PCDHGB6: variants seen among roughly 807,000 people sequenced by gnomAD.
PCDHGB6 encodes protocadherin gamma-B6.
In PCDHGB6, 51 loss-of-function variants were observed where a neutral mutation model predicts 59.1. That is an observed-to-expected ratio of 0.86 (90% confidence interval 0.69 to 1.09). The LOEUF (loss-of-function observed/expected upper bound fraction) is 1.09, where lower values mean the gene tolerates loss of function less well. Ranked by LOEUF, PCDHGB6 falls within the 50% of genes least tolerant of loss-of-function variation. PCDHGB6 has a pLI of 0.00. For missense variants in PCDHGB6, 1,148 were observed against 1,205.1 expected, an observed-to-expected ratio of 0.95 and a Z score of 0.70; for synonymous variants, 466 against 495.1, an observed-to-expected ratio of 0.94 and a Z score of 0.78.
chr5:141,456,098 C>T (rs1222639126), intron 1 of PCDHGB6, among the ~76,000 whole-genome samples: 2 of 151,980 alleles, frequency 1.3e-5, no homozygotes, highest in Non-Finnish European at 2.9e-5. Flanking sequence ...GGGATTTCAC[C>T]GTGTTAGCCA....
intron 1 of PCDHGB6, chr5:141,413,704 A>C (rs749988351): frequency 6.2e-7 from 1 of 1,613,616 alleles, no homozygotes; most frequent in South Asian, 1.1e-5. Flanking sequence ...CTATCAGCTC[A>C]GCCCCAATAA....
At chr5:141,422,287 A>G in intron 1 of PCDHGB6, 3 of 1,553,500 alleles carry the variant, frequency 1.9e-6, no homozygotes, top group South Asian at 1.3e-5. Context: ...CACCTCTTCT[A>G]TTAATTCAAT....
rs778744503 is a variant in PCDHGB6, at chr5:141,511,152, G to C, written c.2772G>C (p.Ser924=). 2 of 1,614,140 alleles carry C rather than the reference G, an allele frequency of 1.2e-6. No individual in the cohort carries two copies. Among genetic ancestry groups the C allele is most frequent in the South Asian group, 2.2e-5 (2 of 91,086 alleles). The change falls in exon 4 of 4, where the codon TCG becomes TCC. Residue 924 remains serine, a synonymous_variant. Coordinates refer to ENST00000520790, the MANE Select transcript of PCDHGB6 (RefSeq NM_018926.3). ...PAGGNGNKKK[S]GKKEKK ...GTGGCAATGGCAACAAGAAGAAGTC[G>C]GGCAAGAAGGAGAAGAAGTAACATG...
chr5:141,473,905 G>T (rs940750776), intron 1 of PCDHGB6, among the ~76,000 whole-genome samples: 2 of 152,096 alleles, frequency 1.3e-5, no homozygotes, highest in African/African-American at 4.8e-5. Context: ...TCATGAAGAG[G>T]TCTTAAGAAA....
Position 141,485,790 on chromosome 5 carries a change from C to T in PCDHGB6, c.2419-9017C>T. On this transcript the variant is annotated intron_variant, in intron 1 of 3. Transcript: ENST00000520790. This position sits in a 1 kb window ranked among gnomAD's most constrained non-coding sequence, Gnocchi z 5.7. The stretch of plus-strand genomic sequence containing the variant: ...AAGCCTTTGGATCGAGAGAAGCAAT[C>T]GGACTACCGCCTGGTGCTGACTGCT... 6.2e-7 allele frequency: 1 copy of T among 1,614,204 alleles called. No homozygotes were observed. Among genetic ancestry groups the T allele is most frequent in the Non-Finnish European group, 8.5e-7 (1 of 1,180,032 alleles).
intron 1 of PCDHGB6, among the ~76,000 whole-genome samples, chr5:141,456,359 G>A (rs2098853225): frequency 6.6e-6 from 1 of 152,158 alleles, no homozygotes; most frequent in Non-Finnish European, 1.5e-5. Context: ...TGGCGTCCAT[G>A]TGTGGTTCAG....
chr5:141,419,123 A>G (rs2096330317), intron 1 of PCDHGB6: 1 of 1,613,766 alleles, frequency 6.2e-7, no homozygotes, highest in African/African-American at 1.3e-5. Context: ...CAACGTCACC[A>G]TCGCAGCCAC....
chr5:141,472,980 CA>C (rs60579131), intron 1 of PCDHGB6, among the ~76,000 whole-genome samples: 39,687 of 85,940 alleles, frequency 0.46, 5,633 homozygotes, highest in African/African-American at 0.56. Flanking sequence ...GAGTGAAACT[CA>C]AAAAAAAAAA....
chr5:141,428,436 A>G (rs922762798), intron 1 of PCDHGB6: 5 of 401,736 alleles, frequency 1.2e-5, no homozygotes, highest in Non-Finnish European at 2.3e-5. Flanking sequence ...CTAAGACTAG[A>G]CCAGGGGTTT....
At position 141,476,503 on chromosome 5, in the gene PCDHGB6, C is replaced by T. The variant is rs1259213742; in HGVS notation, c.2419-18304C>T. 2 of 1,614,138 alleles carry T rather than the reference C, an allele frequency of 1.2e-6. No individual in the cohort carries two copies. ...TGGAAGTGGTGATCCAGGACATCAA[C>T]GACAACAATCCTGCTTTCCCTACCC... On this transcript the variant is annotated intron_variant, in intron 1 of 3. Transcript: ENST00000520790. The surrounding 1 kb of genome is among the most constrained non-coding windows in gnomAD (Gnocchi z 7.6).
In PCDHGB6 at chr5:141,421,687, G is replaced by C. The variant is rs763146085; in HGVS notation, c.2418+11067G>C. On this transcript the variant is annotated intron_variant, in intron 1 of 3. Coordinates refer to ENST00000520790, the MANE Select transcript of PCDHGB6 (RefSeq NM_018926.3). ...GCACGCAATTCCTGGGGCGCGATTT[G>C]CTCTTCCTAATGCTAGGGATCCAGA... 1.3e-5 allele frequency: 21 copies of C among 1,613,788 alleles called. No individual in the cohort carries two copies. Among genetic ancestry groups the C allele is most frequent in the Non-Finnish European group, 1.8e-5 (21 of 1,179,860 alleles).
At chr5:141,506,103 C>T (rs1001709380) in intron 3 of PCDHGB6, among the ~76,000 whole-genome samples, 2 of 152,144 alleles carry the variant, frequency 1.3e-5, no homozygotes, top group Admixed American at 1.3e-4. Context: ...GTGGTTGTCC[C>T]TGAAGAGTCA....
chr5:141,460,587 T>C (rs1461971599), intron 1 of PCDHGB6, among the ~76,000 whole-genome samples: 1 of 152,170 alleles, frequency 6.6e-6, no homozygotes, highest in Non-Finnish European at 1.5e-5. Flanking sequence ...TGTGGGTTTT[T>C]TCTGGGCTCT....
chr5:141,474,908 T>C (rs1016814167), intron 1 of PCDHGB6, among the ~76,000 whole-genome samples: 7 of 152,242 alleles, frequency 4.6e-5, no homozygotes, highest in African/African-American at 1.4e-4. Flanking sequence ...TGTTCAAGGA[T>C]ATACATCTCA....
intron 1 of PCDHGB6, chr5:141,418,379 C>T: frequency 6.2e-7 from 1 of 1,613,966 alleles, no homozygotes; most frequent in Non-Finnish European, 8.5e-7. Flanking sequence ...CCAACTAAGT[C>T]CTAACGAGTA....
intron 1 of PCDHGB6, among the ~76,000 whole-genome samples, chr5:141,466,534 T>C (rs1343781541): frequency 6.6e-6 from 1 of 152,214 alleles, no homozygotes; most frequent in Non-Finnish European, 1.5e-5. Flanking sequence ...CAAATTGATG[T>C]AGATGGTCTT....
intron 3 of PCDHGB6, among the ~76,000 whole-genome samples, chr5:141,509,347 C>A (rs755234053): frequency 2.6e-5 from 4 of 152,142 alleles, no homozygotes; most frequent in Non-Finnish European, 5.9e-5. Context: ...CCTGGGCTGG[C>A]CTGGGCATCC....
intron 1 of PCDHGB6, chr5:141,422,741 A>G (rs1319821802): frequency 6.2e-7 from 1 of 1,610,084 alleles, no homozygotes; most frequent in Non-Finnish European, 8.5e-7. Flanking sequence ...CTGTCCTCCT[A>G]TGTCTCTATT....
chr5:141,409,781 G>A lies in PCDHGB6; in HGVS notation c.1579G>A (p.Ala527Thr), dbSNP rs753415525. Residue 527 changes from alanine (A) to threonine (T), a missense_variant, in exon 1 of 4, where the codon GCC (alanine) becomes ACC (threonine). Transcript: ENST00000520790. ...QRAFDHEQLR[A>T]FALTLQARDH... ...CGCCTTTGATCACGAGCAGCTGCGC[G>A]CCTTCGCGCTCACGCTGCAGGCCCG... is the stretch of plus-strand genomic sequence containing the variant. The A allele has an allele frequency of 8.7e-6, 14 of 1,612,178 alleles. No individual in the cohort carries two copies. The highest frequency in any genetic ancestry group is 6.7e-5 in the Admixed American group (4 of 59,882).
Sources: allele counts gnomAD v4.1 joint callset (sites outside exome capture counted in the v4.1 genomes callset), GRCh38; gene constraint gnomAD v4.1.1; non-coding constraint Gnocchi (gnomAD v3.1); transcripts MANE v1.5; gene names NCBI Gene and HGNC (gene_info 2026-07-23, HGNC 2026-07-21).